SH3PXD2A: variants seen among roughly 807,000 people sequenced by gnomAD.
The protein encoded by SH3PXD2A is SH3 and PX domain-containing protein 2A.
In SH3PXD2A, 32 loss-of-function variants were observed where a neutral mutation model predicts 115.2. The observed-to-expected ratio is 0.28, with a 90% CI of 0.21 to 0.37. The LOEUF (loss-of-function observed/expected upper bound fraction) is 0.37. SH3PXD2A is among the 10% of genes least tolerant of loss of function. SH3PXD2A has a pLI of 1.00. For missense variants in SH3PXD2A, 1,328 were observed against 1,498.7 expected, an observed-to-expected ratio of 0.89 and a Z score of 1.88; for synonymous variants, 610 against 629.1, an observed-to-expected ratio of 0.97 and a Z score of 0.45.
At chr10:103,769,733 C>T (rs147912792) in intron 2 of SH3PXD2A, among the ~76,000 whole-genome samples, 1 of 152,054 alleles carries the variant, frequency 6.6e-6, no homozygotes, top group Non-Finnish European at 1.5e-5. Context: ...CGCCTGGCCA[C>T]GTGAGTTCTC....
At chr10:103,658,636 T>C (rs149773818) in intron 8 of SH3PXD2A, among the ~76,000 whole-genome samples, 49 of 152,302 alleles carry the variant, frequency 3.2e-4, no homozygotes, top group Non-Finnish European at 6.2e-4. Context: ...CGGGTTTGAA[T>C]AGGTAGGCAC....
At chr10:103,778,589 T>C (rs977024777) in intron 2 of SH3PXD2A, among the ~76,000 whole-genome samples, 2 of 152,242 alleles carry the variant, frequency 1.3e-5, no homozygotes, top group Admixed American at 6.5e-5. Flanking sequence ...CAGCGCCCCA[T>C]GGCACTGTGC....
At chr10:103,681,491 G>A (rs974345445) in intron 6 of SH3PXD2A, among the ~76,000 whole-genome samples, 2 of 152,230 alleles carry the variant, frequency 1.3e-5, no homozygotes, top group Non-Finnish European at 2.9e-5. Flanking sequence ...AGATTGGCTG[G>A]GTGCAGTGGC....
chr10:103,683,989 C>T (rs763410951), intron 6 of SH3PXD2A, among the ~76,000 whole-genome samples: 4 of 152,238 alleles, frequency 2.6e-5, no homozygotes, highest in South Asian at 2.1e-4. Flanking sequence ...ACAAAGCCTG[C>T]GCTCTGGAGG....
chr10:103,767,810 GTTTTTTTTTTTTT>G (rs34903223), intron 2 of SH3PXD2A, among the ~76,000 whole-genome samples: 1 of 67,742 alleles, frequency 1.5e-5, no homozygotes, highest in African/African-American at 5.6e-5. Context: ...CAACTGTTTT[GTTTTTTTTTTTTT>G]TTTTTTTTTT....
chr10:103,830,132 C>T (rs959332998), intron 1 of SH3PXD2A, among the ~76,000 whole-genome samples: 1 of 152,090 alleles, frequency 6.6e-6, no homozygotes, highest in African/African-American at 2.4e-5. Flanking sequence ...AGGTTTATTT[C>T]GGATTAAGTA....
chr10:103,760,903 A>C (rs1428818208), intron 3 of SH3PXD2A, among the ~76,000 whole-genome samples: 1 of 152,198 alleles, frequency 6.6e-6, no homozygotes, highest in Non-Finnish European at 1.5e-5. Context: ...CTTGCTTTGC[A>C]ACAGGATTTA....
chr10:103,635,410 T>G (rs2036848976), intron 8 of SH3PXD2A, among the ~76,000 whole-genome samples: 1 of 152,206 alleles, frequency 6.6e-6, no homozygotes, highest in Non-Finnish European at 1.5e-5. Context: ...AGCCTGGCAG[T>G]CAGGCCCTCT....
chr10:103,599,627 C>T lies in SH3PXD2A; in HGVS notation c.*2189G>A, dbSNP rs1224522494. On this transcript the variant is annotated 3_prime_UTR_variant, in exon 15 of 15. Coordinates refer to ENST00000369774, the MANE Select transcript of SH3PXD2A (RefSeq NM_001394015.1). ...ATATACTGCATCTTTAAGTAATGCA[C>T]TTTGCTCTCTGGGTTTTTTCCATTC... 6.6e-6 allele frequency: 1 copy of T among 152,548 alleles called. No homozygotes were observed. 9.4% of individuals were successfully genotyped at this position (152,548 alleles called of 1,614,324 possible).
chr10:103,663,684 T>C (rs966766970), intron 7 of SH3PXD2A, among the ~76,000 whole-genome samples: 2 of 152,240 alleles, frequency 1.3e-5, no homozygotes, highest in African/African-American at 2.4e-5. Flanking sequence ...ACTTAGATCT[T>C]TGGGTCCTTC....
intron 2 of SH3PXD2A, among the ~76,000 whole-genome samples, chr10:103,767,810 GTTTT>G (rs34903223): frequency 4.4e-5 from 3 of 67,742 alleles, no homozygotes; most frequent in East Asian, 9.2e-4. Flanking sequence ...CAACTGTTTT[GTTTT>G]TTTTTTTTTT....
At chr10:103,849,442 G>A (rs1486388738) in intron 1 of SH3PXD2A, among the ~76,000 whole-genome samples, 3 of 152,216 alleles carry the variant, frequency 2.0e-5, no homozygotes, top group Admixed American at 6.5e-5. Flanking sequence ...CCCTTCTTAT[G>A]GGGTCTGGAC....
rs371888455 is a variant in SH3PXD2A at position 103,601,864 on chromosome 10, C to T, written c.3354G>A (p.Lys1118=). ...WWYCQILDGV[K]PFKGWVPSNY... is the part of the protein sequence containing the mutation. ...TGGAAGGCACCCAGCCTTTGAAGGG[C>T]TTCACACCATCCAGGATCTGGCAGT... The change falls in exon 15 of 15, where the codon AAG becomes AAA. Residue 1118 remains lysine, a synonymous_variant. Coordinates refer to ENST00000369774, the MANE Select transcript of SH3PXD2A (RefSeq NM_001394015.1). 3.7e-6 allele frequency: 6 copies of T among 1,613,564 alleles called. No homozygotes were observed. The highest frequency in any genetic ancestry group is 4.2e-6 in the Non-Finnish European group (5 of 1,179,698).
At chr10:103,690,963 C>T (rs1002163383) in intron 6 of SH3PXD2A, among the ~76,000 whole-genome samples, 1 of 152,136 alleles carries the variant, frequency 6.6e-6, no homozygotes, top group Non-Finnish European at 1.5e-5. Context: ...CTTTTCCTGG[C>T]GTGAGAGTGG....
chr10:103,684,146 C>T (rs563027938), intron 6 of SH3PXD2A, among the ~76,000 whole-genome samples: 23 of 152,284 alleles, frequency 1.5e-4, no homozygotes, highest in Non-Finnish European at 3.1e-4. Context: ...TACCAGAGAC[C>T]TCACAGACCG....
chr10:103,715,103 G>T (rs779101231), intron 5 of SH3PXD2A, among the ~76,000 whole-genome samples: 4 of 152,154 alleles, frequency 2.6e-5, no homozygotes, highest in Non-Finnish European at 2.9e-5. Flanking sequence ...AGCCTTTTTG[G>T]GGTGGCTGCT....
rs538365867 is a variant in SH3PXD2A at position 103,797,343 on chromosome 10, G to A, written c.153+3939C>T. On this transcript the variant is annotated intron_variant, in intron 2 of 14. Transcript: ENST00000369774. The stretch of plus-strand genomic sequence containing the variant: ...TGAGATAAATGGCTCTGCTCTGCAC[G>A]GTCCTAAGGCTTCAGAAAGCGTGGA... Among the ~76,000 whole-genome samples the A allele has an allele frequency of 3.9e-5, 6 of 152,146 alleles. No homozygotes were observed. In the East Asian group the frequency reaches 5.8e-4, roughly 15 times the overall value.
chr10:103,837,803 A>G (rs2039560218), intron 1 of SH3PXD2A, among the ~76,000 whole-genome samples: 1 of 152,132 alleles, frequency 6.6e-6, no homozygotes, highest in Non-Finnish European at 1.5e-5. Context: ...TAGGACACAC[A>G]CAGTACCTGC....
chr10:103,656,185 G>C (rs2037209044), intron 8 of SH3PXD2A, among the ~76,000 whole-genome samples: 1 of 152,174 alleles, frequency 6.6e-6, no homozygotes, highest in Non-Finnish European at 1.5e-5. Flanking sequence ...CATGTTTTTG[G>C]GTAACTTTTC....
Sources: gnomAD v4.1 joint callset for allele counts (sites outside exome capture counted in the v4.1 genomes callset) on GRCh38, gnomAD v4.1.1 for gene constraint, MANE v1.5 for transcripts, NCBI Gene and HGNC (gene_info 2026-07-23, HGNC 2026-07-21) for gene names.